Variants in TDP2 observed in about 807,000 individuals in gnomAD.
The protein encoded by TDP2 is tyrosyl-DNA phosphodiesterase 2.
Under a neutral mutation model 42.8 loss-of-function variants are expected in TDP2, and 38 were observed. The ratio of observed to expected loss-of-function variants is 0.89; its 90% CI spans 0.68 to 1.16. The LOEUF (loss-of-function observed/expected upper bound fraction) is 1.16, where lower values mean the gene tolerates loss of function less well. Among genes scored for constraint, TDP2 ranks in the 50% most tolerant of loss-of-function variants. TDP2 has a pLI of 0.00. For missense variants in TDP2, 439 were observed against 439.3 expected, an observed-to-expected ratio of 1.00 and a Z score of 0.01; for synonymous variants, 173 against 150.6, an observed-to-expected ratio of 1.15 and a Z score of -1.09.
At chr6:24,656,378 AACTT>A (rs1057162269) in intron 4 of TDP2, among the ~76,000 whole-genome samples, 1 of 152,074 alleles carries the variant, frequency 6.6e-6, no homozygotes, top group African/African-American at 2.4e-5. Flanking sequence ...AGAGTAAAAA[AACTT>A]AAGGGAGGAA....
rs1325861575 is a variant in TDP2 at position 24,654,543 on chromosome 6, G to A, written c.518-13C>T. The A allele has an allele frequency of 7.2e-7, 1 of 1,386,270 alleles. No individual in the cohort carries two copies. Among genetic ancestry groups the A allele is most frequent in the African/African-American group, 1.4e-5 (1 of 69,534 alleles). The allele number at this position is 1,386,270 out of a possible 1,614,324, so 85.9% of individuals were successfully genotyped here. On this transcript the variant is annotated splice_polypyrimidine_tract_variant and intron_variant, in intron 4 of 6. Transcript: ENST00000378198. ...CCTTCTTCATGACCTACAAATGTTT[G>A]TGGAAAAGAATTTAGGCTGAGAAGG...
At chr6:24,655,417 C>A (rs1244972716) in intron 4 of TDP2, among the ~76,000 whole-genome samples, 3 of 151,990 alleles carry the variant, frequency 2.0e-5, no homozygotes, top group African/African-American at 7.2e-5. Context: ...ATTTGTTCCA[C>A]CAAAATCTGG....
Position 24,651,124 on chromosome 6 carries a change from T to A in TDP2, c.808-55A>T, listed in dbSNP as rs1418605985. On this transcript the variant is annotated intron_variant, in intron 6 of 6. Transcript: ENST00000378198. ...ACACATAGCCTTTTGCCCACTAACT[T>A]AAAAAAAAAAAAAAAAAGGTGTTTT... is the stretch of plus-strand genomic sequence containing the variant. 4.2e-4 allele frequency: 415 copies of A among 995,194 alleles called. No individual in the cohort carries two copies. Among genetic ancestry groups the A allele is most frequent in the South Asian group, 1.6e-3 (74 of 47,492 alleles). The allele number at this position is 995,194 out of a possible 1,614,324, so 61.6% of individuals were successfully genotyped here.
In TDP2 at chr6:24,651,078, A is replaced by G; in HGVS notation, c.808-9T>C. The G allele has an allele frequency of 6.2e-7, 1 of 1,608,672 alleles. No individual in the cohort carries two copies. Among genetic ancestry groups the G allele is most frequent in the Non-Finnish European group, 8.5e-7 (1 of 1,176,658 alleles). ...CCACCACATCTGGTAACCTGAAAAG[A>G]AGAAGAATACTCTCTAAGATACACA... On this transcript the variant is annotated splice_polypyrimidine_tract_variant and intron_variant, in intron 6 of 6. Transcript: ENST00000378198.
Position 24,650,662 on chromosome 6 carries a change from A to G in TDP2, c.*126T>C. On this transcript the variant is annotated 3_prime_UTR_variant, in exon 7 of 7. Transcript: ENST00000378198. The stretch of plus-strand genomic sequence containing the variant: ...TGTTGAATTCTGAAAACACAACCAT[A>G]AATCATAGTTGGTTTTTCTGTGACA... 1.1e-6 allele frequency: 1 copy of G among 888,446 alleles called. No individual in the cohort carries two copies. The highest frequency in any genetic ancestry group is 1.7e-5 in the South Asian group (1 of 57,516). The allele number at this position is 888,446 out of a possible 1,614,324, so 55.0% of individuals were successfully genotyped here. A position where few individuals can be genotyped will look rare whatever the true frequency, so the allele number is the denominator to read the frequency against.
chr6:24,653,143 G>A lies in TDP2; in HGVS notation c.647C>T (p.Ser216Leu). 4 of 1,614,016 alleles carry A rather than the reference G, an allele frequency of 2.5e-6. No homozygotes were observed. Among genetic ancestry groups the A allele is most frequent in the Non-Finnish European group, 3.4e-6 (4 of 1,179,988 alleles). Residue 216 changes from serine (S) to leucine (L), a missense_variant, in exon 6 of 7, where the codon TCA becomes TTA. By Grantham distance (145) the Ser-to-Leu change is moderately radical. Transcript: ENST00000378198. ...TGTCATAAGGCAAAGCTCATTTCCT[G>A]ACACGTTCACCTGCAGCAGGACAAA... ...RNLLCVHVNV[S>L]GNELCLMTSH... is the part of the protein sequence containing the mutation.
chr6:24,655,783 C>A (rs1245765525), intron 4 of TDP2, among the ~76,000 whole-genome samples: 1 of 152,160 alleles, frequency 6.6e-6, no homozygotes, highest in East Asian at 1.9e-4. Flanking sequence ...ACCCAGAAGG[C>A]AGAAAGCTAA....
rs1354931287 is a variant in TDP2 at position 24,652,078 on chromosome 6, G to A, written c.807+905C>T. Among the ~76,000 whole-genome samples, 3 of 152,114 alleles carry A rather than the reference G, an allele frequency of 2.0e-5. No homozygotes were observed. In the East Asian group the frequency reaches 5.8e-4, roughly 29 times the overall value. ...ACACCATTCTACTTTCTGTCTCTATGAATTTGACCAGTTTAGGAAATTCAT... is the reference window on the plus strand; with the variant it reads ...ACACCATTCTACTTTCTGTCTCTATAAATTTGACCAGTTTAGGAAATTCAT... On this transcript the variant is annotated intron_variant, in intron 6 of 6. Coordinates refer to ENST00000378198, the MANE Select transcript of TDP2 (RefSeq NM_016614.3).
At position 24,650,721 on chromosome 6, in the gene TDP2, C is replaced by G; in HGVS notation, c.*67G>C. ...GTACATTATTTCCTCCACAGCAAAC[C>G]TACCTTTCCAGAAGGTGGAAATTGT... On this transcript the variant is annotated 3_prime_UTR_variant, in exon 7 of 7. Transcript: ENST00000378198. The G allele has an allele frequency of 5.3e-6, 8 of 1,523,534 alleles. No homozygotes were observed. The highest frequency in any genetic ancestry group is 7.2e-6 in the Non-Finnish European group (8 of 1,116,510). The allele number at this position is 1,523,534 out of a possible 1,614,324, so 94.4% of individuals were successfully genotyped here.
intron 5 of TDP2, among the ~76,000 whole-genome samples, chr6:24,653,987 C>T (rs1381527175): frequency 6.6e-6 from 1 of 152,194 alleles, no homozygotes; most frequent in African/African-American, 2.4e-5. Context: ...TCTAAACTTC[C>T]ACACATCATT....
At chr6:24,658,921 G>C in intron 2 of TDP2, 187 bp from the exon 3 acceptor site, 1 of 604,234 alleles carries the variant, frequency 1.7e-6, no homozygotes, top group Non-Finnish European at 2.8e-6. Flanking sequence ...CATTAATCAC[G>C]CTGCACTTTG....
rs945764304 is a variant in TDP2 at position 24,650,633 on chromosome 6, T to A, written c.*155A>T. The A allele has an allele frequency of 1.4e-6, 1 of 728,298 alleles. No individual in the cohort carries two copies. Among genetic ancestry groups the A allele is most frequent in the Non-Finnish European group, 2.2e-6 (1 of 453,990 alleles). 45.1% of individuals were successfully genotyped at this position (728,298 alleles called of 1,614,324 possible). On this transcript the variant is annotated 3_prime_UTR_variant, in exon 7 of 7. Coordinates refer to ENST00000378198, the MANE Select transcript of TDP2 (RefSeq NM_016614.3). ...TGTTCGTTTAAATAAACATTAATCTTTAATGTTGAATTCTGAAAACACAAC... is the reference window on the plus strand; with the variant it reads ...TGTTCGTTTAAATAAACATTAATCTATAATGTTGAATTCTGAAAACACAAC...
chr6:24,666,639 G>T, intron 1 of TDP2, 28 bp from the exon 2 acceptor site: 1 of 1,614,090 alleles, frequency 6.2e-7, no homozygotes, highest in Non-Finnish European at 8.5e-7. Context: ...AAGGGATGAG[G>T]TTTGTGCGCT....
At chr6:24,662,454 A>C (rs1778166063) in intron 2 of TDP2, among the ~76,000 whole-genome samples, 1 of 146,376 alleles carries the variant, frequency 6.8e-6, no homozygotes, top group Admixed American at 6.7e-5. Flanking sequence ...ATGTTTGTGT[A>C]AAGTCAAACA....
intron 2 of TDP2, 87 bp downstream of exon 2, chr6:24,666,439 G>A: frequency 6.7e-7 from 1 of 1,493,704 alleles, no homozygotes; most frequent in East Asian, 2.3e-5. Context: ...CGTCCGCCCA[G>A]CTCCACGGCA....
At chr6:24,652,117 T>C (rs572947900) in intron 6 of TDP2, among the ~76,000 whole-genome samples, 1 of 152,356 alleles carries the variant, frequency 6.6e-6, no homozygotes, top group East Asian at 1.9e-4. Context: ...AGGAATCATA[T>C]AGTATCTTTT....
intron 6 of TDP2, among the ~76,000 whole-genome samples, chr6:24,651,990 A>G (rs111415264): frequency 1.3e-5 from 2 of 152,092 alleles, no homozygotes; most frequent in African/African-American, 2.4e-5. Context: ...ATCTTCCCCA[A>G]CTGAAACTCT....
At chr6:24,654,741 T>C (rs1205087245) in intron 4 of TDP2, among the ~76,000 whole-genome samples, 3 of 151,724 alleles carry the variant, frequency 2.0e-5, no homozygotes, top group Non-Finnish European at 4.4e-5. Context: ...TTAGAAGAAA[T>C]AAAATAAAAT....
chr6:24,660,815 C>CGTCA (rs17249631), intron 2 of TDP2, among the ~76,000 whole-genome samples: 26,081 of 152,080 alleles, frequency 0.17, 2,385 homozygotes, highest in Middle Eastern at 0.28. Context: ...ATGACTCTGA[C>CGTCA]ATTTTTGAAG....
Sources: gnomAD v4.1 joint callset for allele counts (sites outside exome capture counted in the v4.1 genomes callset) on GRCh38, gnomAD v4.1.1 for gene constraint, MANE v1.5 for transcripts, NCBI Gene and HGNC (gene_info 2026-07-23, HGNC 2026-07-21) for gene names.